DLG2: variants seen among roughly 807,000 people sequenced by gnomAD.
The protein encoded by DLG2 is discs large MAGUK scaffold protein 2, also known as disks large homolog 2.
DLG2 carries 45 observed loss-of-function variants against 132.5 expected under a neutral mutation model. The observed-to-expected ratio is 0.34, with a 90% CI of 0.27 to 0.44. DLG2 has a LOEUF of 0.44. Among genes scored for constraint, DLG2 ranks in the 20% least tolerant of loss-of-function variants. DLG2 has a pLI of 1.00. For synonymous variants in DLG2, 424 were observed against 419.6 expected, an observed-to-expected ratio of 1.01 and a Z score of -0.13; for missense variants, 1,045 against 1,196.9, an observed-to-expected ratio of 0.87 and a Z score of 1.87.
chr11:85,202,735 AAAG>A (rs753227867), intron 4 of DLG2, among the ~76,000 whole-genome samples: 9 of 152,056 alleles, frequency 5.9e-5, no homozygotes, highest in Admixed American at 3.9e-4. Flanking sequence ...AAATCAGCAA[AAAG>A]AAGAAATTTA....
intron 3 of DLG2, among the ~76,000 whole-genome samples, chr11:85,543,120 A>C (rs1255990976): frequency 6.6e-6 from 1 of 152,038 alleles, no homozygotes; most frequent in African/African-American, 2.4e-5. Context: ...CATTTCTACT[A>C]ATGCTATCCC....
intron 6 of DLG2, among the ~76,000 whole-genome samples, chr11:84,794,798 C>T (rs942283774): frequency 6.6e-6 from 1 of 152,232 alleles, no homozygotes; most frequent in Admixed American, 6.5e-5. Context: ...ATGCCAGCCC[C>T]TGCTGACTCA....
At chr11:85,421,722 C>G (rs899039271) in intron 3 of DLG2, among the ~76,000 whole-genome samples, 1 of 151,768 alleles carries the variant, frequency 6.6e-6, no homozygotes, top group Non-Finnish European at 1.5e-5. Flanking sequence ...TGCCTGTATA[C>G]CTTGGTTTTT....
chr11:85,240,084 T>A (rs2075801679), intron 4 of DLG2, among the ~76,000 whole-genome samples: 1 of 151,914 alleles, frequency 6.6e-6, no homozygotes, highest in Admixed American at 6.6e-5. Flanking sequence ...TTTATTCCCA[T>A]CTAGAAGACT....
chr11:85,583,722 T>C (rs1436065873), intron 3 of DLG2, among the ~76,000 whole-genome samples: 1 of 152,194 alleles, frequency 6.6e-6, no homozygotes, highest in East Asian at 1.9e-4. Context: ...GCCTATGAGA[T>C]ACTCATGAGA....
intron 6 of DLG2, among the ~76,000 whole-genome samples, chr11:84,866,098 G>T (rs2084516064): frequency 6.6e-6 from 1 of 152,178 alleles, no homozygotes; most frequent in South Asian, 2.1e-4. Context: ...TTCCTATAGA[G>T]GTTGTAAATG....
intron 6 of DLG2, among the ~76,000 whole-genome samples, chr11:84,594,050 T>C (rs997952065): frequency 6.6e-6 from 1 of 152,180 alleles, no homozygotes; most frequent in African/African-American, 2.4e-5. Flanking sequence ...TACATGAGAA[T>C]GGCAGTGCAA....
intron 3 of DLG2, among the ~76,000 whole-genome samples, chr11:85,459,997 T>C (rs73501900): frequency 6.6e-6 from 1 of 152,240 alleles, no homozygotes; most frequent in East Asian, 1.9e-4. Flanking sequence ...GAAGGCTATA[T>C]TGGCAGGGGC....
intron 6 of DLG2, among the ~76,000 whole-genome samples, chr11:84,605,854 C>A (rs930601677): frequency 6.6e-6 from 1 of 151,910 alleles, no homozygotes; most frequent in African/African-American, 2.4e-5. Flanking sequence ...TTTTCTTTCC[C>A]ACATCTGCAC....
In DLG2 at chr11:84,119,136, T is replaced by C. The variant is rs139497246; in HGVS notation, c.625-20089A>G. Among the ~76,000 whole-genome samples, 220 of 151,120 alleles carry C rather than the reference T, an allele frequency of 1.5e-3. 1 individual carries two copies. The highest frequency in any genetic ancestry group is 4.8e-3 in the African/African-American group (199 of 41,092). On this transcript the variant is annotated intron_variant, in intron 9 of 27. Transcript: ENST00000376104. The stretch of plus-strand genomic sequence containing the variant: ...AGAAACATCTACCATATGGCAAAAG[T>C]GACAACCTCAGAAAAAAAAAAAATT...
At chr11:84,976,339 T>C (rs2054901997) in intron 6 of DLG2, among the ~76,000 whole-genome samples, 1 of 152,034 alleles carries the variant, frequency 6.6e-6, no homozygotes, top group Admixed American at 6.6e-5. Context: ...TGCCAGGGGG[T>C]ATGCTGTACC....
intron 19 of DLG2, among the ~76,000 whole-genome samples, chr11:83,606,024 G>T (rs1360454492): frequency 1.3e-5 from 2 of 152,150 alleles, no homozygotes; most frequent in Non-Finnish European, 2.9e-5. Flanking sequence ...TAGTTGTTAT[G>T]CTACTTTTTA....
chr11:83,514,337 T>C (rs1414911630), intron 21 of DLG2, among the ~76,000 whole-genome samples: 2 of 152,154 alleles, frequency 1.3e-5, no homozygotes, highest in Non-Finnish European at 1.5e-5. Flanking sequence ...GTTTGTCTGT[T>C]GTTGGTGTAT....
At chr11:85,410,182 G>A (rs549757544) in intron 3 of DLG2, among the ~76,000 whole-genome samples, 33 of 151,958 alleles carry the variant, frequency 2.2e-4, no homozygotes, top group African/African-American at 7.9e-4. Context: ...TTAAGGGTGT[G>A]AAGTAGAAGA....
At chr11:84,666,908 C>T (rs900417187) in intron 6 of DLG2, among the ~76,000 whole-genome samples, 1 of 152,120 alleles carries the variant, frequency 6.6e-6, no homozygotes, top group African/African-American at 2.4e-5. Context: ...AAGCTGCTAA[C>T]CACTAAAATG....
intron 4 of DLG2, among the ~76,000 whole-genome samples, chr11:85,175,009 T>A (rs780965953): frequency 9.9e-5 from 15 of 152,168 alleles, no homozygotes; most frequent in Non-Finnish European, 1.9e-4. Flanking sequence ...CAGGACCAGA[T>A]AAATTTACAG....
At chr11:84,532,118 T>G (rs1450022911) in intron 7 of DLG2, among the ~76,000 whole-genome samples, 6 of 8,424 alleles carry the variant, frequency 7.1e-4, no homozygotes, top group South Asian at 2.3e-3. Context: ...GTTCTGTTCA[T>G]TTTTTTTTTT....
At chr11:83,568,396 G>A (rs970979954) in intron 19 of DLG2, among the ~76,000 whole-genome samples, 2 of 152,000 alleles carry the variant, frequency 1.3e-5, no homozygotes, top group African/African-American at 4.8e-5. Flanking sequence ...AGGTACCTAG[G>A]GGCATACAAA....
intron 16 of DLG2, among the ~76,000 whole-genome samples, chr11:83,837,256 A>G (rs1307409174): frequency 6.6e-6 from 1 of 152,098 alleles, no homozygotes; most frequent in African/African-American, 2.4e-5. Flanking sequence ...TGGAATGCCA[A>G]CTAACGCCAC....
Sources: gnomAD v4.1 joint callset for allele counts (sites outside exome capture counted in the v4.1 genomes callset) on GRCh38, gnomAD v4.1.1 for gene constraint, MANE v1.5 for transcripts, NCBI Gene and HGNC (gene_info 2026-07-23, HGNC 2026-07-21) for gene names.